Variants in FRMD5 observed in about 807,000 individuals in gnomAD.
The protein encoded by FRMD5 is FERM domain containing 5, also known as FERM domain-containing protein 5.
FRMD5 carries 20 observed loss-of-function variants against 69.0 expected under a neutral mutation model. The observed-to-expected ratio is 0.29, with a 90% confidence interval of 0.20 to 0.42. The LOEUF (loss-of-function observed/expected upper bound fraction) is 0.42. Ranked by LOEUF, FRMD5 falls within the 10% of genes least tolerant of loss-of-function variation. The pLI is 1.00. For missense variants in FRMD5, 595 were observed against 708.6 expected, an observed-to-expected ratio of 0.84 and a Z score of 1.82; for synonymous variants, 271 against 260.1, an observed-to-expected ratio of 1.04 and a Z score of -0.40.
intron 1 of FRMD5, among the ~76,000 whole-genome samples, chr15:44,080,334 T>C (rs918064064): frequency 2.0e-5 from 3 of 152,160 alleles, no homozygotes; most frequent in Non-Finnish European, 4.4e-5. Context: ...TGTACGTATA[T>C]ATAACAATGA....
At chr15:43,924,823 A>G (rs1566839140) in intron 1 of FRMD5, among the ~76,000 whole-genome samples, 2 of 152,148 alleles carry the variant, frequency 1.3e-5, no homozygotes, top group East Asian at 1.9e-4. Context: ...CCGCACAGCA[A>G]TGAGGGTGTC....
chr15:43,873,064 T>TAA lies in FRMD5; in HGVS notation c.*819_*820dup. ...TTCGTTTAACGCCCCTGGAGCACTATAAAAGTCTTGAGGTTCTTCGGAAAA... is the reference window on the plus strand; with the variant it reads ...TTCGTTTAACGCCCCTGGAGCACTATAAAAAAGTCTTGAGGTTCTTCGGAAAA... On this transcript the variant is annotated 3_prime_UTR_variant, in exon 14 of 14. Coordinates refer to ENST00000417257, the MANE Select transcript of FRMD5 (RefSeq NM_032892.5). The TAA allele has an allele frequency of 3.0e-6, 3 of 990,580 alleles. No individual in the cohort carries two copies. Among genetic ancestry groups the TAA allele is most frequent in the East Asian group, 2.6e-5 (1 of 38,298 alleles). 61.4% of individuals were successfully genotyped at this position (990,580 alleles called of 1,614,324 possible).
intron 1 of FRMD5, among the ~76,000 whole-genome samples, chr15:44,005,848 A>G (rs1219992562): frequency 1.3e-5 from 2 of 152,162 alleles, no homozygotes; most frequent in African/African-American, 2.4e-5. Context: ...TTTCAACATG[A>G]GATCTGGGCA....
intron 1 of FRMD5, among the ~76,000 whole-genome samples, chr15:44,053,450 A>G (rs2140353990): frequency 6.6e-6 from 1 of 152,260 alleles, no homozygotes; most frequent in Non-Finnish European, 1.5e-5. Context: ...GAAAAGCCCA[A>G]ATACTAGTAT....
intron 1 of FRMD5, among the ~76,000 whole-genome samples, chr15:44,038,748 G>A (rs1892043343): frequency 1.3e-5 from 2 of 152,116 alleles, no homozygotes; most frequent in South Asian, 4.2e-4. Context: ...GGAAGCACGA[G>A]GGGTCAGGGG....
intron 1 of FRMD5, among the ~76,000 whole-genome samples, chr15:43,999,973 T>TATATATGCATGGC (rs1555392735): frequency 2.8e-4 from 16 of 56,616 alleles, no homozygotes; most frequent in African/African-American, 9.8e-4. Context: ...TATATATATA[T>TATATATGCATGGC]ATATATATAT....
intron 1 of FRMD5, among the ~76,000 whole-genome samples, chr15:43,953,896 C>T (rs1002181796): frequency 5.9e-5 from 9 of 152,188 alleles, no homozygotes; most frequent in African/African-American, 1.9e-4. Flanking sequence ...GGGTATTCTT[C>T]CTACTTTATA....
intron 1 of FRMD5, among the ~76,000 whole-genome samples, chr15:44,126,963 T>C (rs971745930): frequency 6.6e-6 from 1 of 152,234 alleles, no homozygotes; most frequent in African/African-American, 2.4e-5. Context: ...TATAAATACT[T>C]TTTTAAGTAC....
intron 5 of FRMD5, among the ~76,000 whole-genome samples, 158 bp from the exon 6 acceptor site, chr15:43,906,109 G>C (rs1412078166): frequency 6.6e-6 from 1 of 152,234 alleles, no homozygotes; most frequent in Non-Finnish European, 1.5e-5. Context: ...GCAGAGGGCA[G>C]GCCCTTCAGG....
chr15:44,155,260 C>T (rs547405478), intron 1 of FRMD5, among the ~76,000 whole-genome samples: 25 of 151,938 alleles, frequency 1.6e-4, no homozygotes, highest in African/African-American at 5.8e-4. Flanking sequence ...GGTGAAACCC[C>T]GTCTCTACTA....
chr15:43,998,521 C>T (rs376980427), intron 1 of FRMD5, among the ~76,000 whole-genome samples: 3 of 152,268 alleles, frequency 2.0e-5, no homozygotes, highest in African/African-American at 7.2e-5. Context: ...CATATGTGAT[C>T]CAACACTCCA....
chr15:44,081,681 C>T (rs1894002418), intron 1 of FRMD5, among the ~76,000 whole-genome samples: 2 of 151,972 alleles, frequency 1.3e-5, no homozygotes. Context: ...TGATTTATAT[C>T]CTCCTCAAAT....
intron 1 of FRMD5, among the ~76,000 whole-genome samples, chr15:43,965,235 C>A (rs2090273940): frequency 1.3e-5 from 2 of 152,208 alleles, no homozygotes; most frequent in Admixed American, 1.3e-4. Flanking sequence ...TTACTGCATT[C>A]TATCTCCTGA....
At chr15:44,033,020 A>C (rs1266768357) in intron 1 of FRMD5, among the ~76,000 whole-genome samples, 6 of 152,238 alleles carry the variant, frequency 3.9e-5, no homozygotes, top group African/African-American at 1.4e-4. Context: ...ATGGAATACT[A>C]TGCAGCCATA....
At chr15:44,017,530 T>G (rs1891021516) in intron 1 of FRMD5, among the ~76,000 whole-genome samples, 1 of 152,058 alleles carries the variant, frequency 6.6e-6, no homozygotes. Context: ...CACAGTACAC[T>G]GTGTACACTG....
intron 1 of FRMD5, among the ~76,000 whole-genome samples, chr15:43,935,597 G>A (rs550964834): frequency 6.6e-6 from 1 of 152,268 alleles, no homozygotes; most frequent in African/African-American, 2.4e-5. Flanking sequence ...AAGAACCATG[G>A]TCCAGGCTTT....
rs2088197730 is a variant in FRMD5 at position 43,872,867 on chromosome 15, CAT to C, written c.*1016_*1017del. On this transcript the variant is annotated 3_prime_UTR_variant, in exon 14 of 14. Transcript: ENST00000417257. ...AAAATATGAATTGTTAAGAAAATAA[CAT>C]TTCGTTGTTAAAATATAAATTGAAA... 1 of 310,050 alleles carries C rather than the reference CAT, an allele frequency of 3.2e-6. No individual in the cohort carries two copies. Among genetic ancestry groups the C allele is most frequent in the South Asian group, 1.2e-4 (1 of 8,002 alleles). 19.2% of individuals were successfully genotyped at this position (310,050 alleles called of 1,614,324 possible). A position where few individuals can be genotyped will look rare whatever the true frequency, so the allele number is the denominator to read the frequency against.
At chr15:44,013,434 T>G (rs1344819756) in intron 1 of FRMD5, among the ~76,000 whole-genome samples, 1 of 152,226 alleles carries the variant, frequency 6.6e-6, no homozygotes, top group African/African-American at 2.4e-5. Context: ...ATATTAATAA[T>G]GATTAGGTCA....
At chr15:44,008,842 C>T (rs1175990296) in intron 1 of FRMD5, among the ~76,000 whole-genome samples, 2 of 151,890 alleles carry the variant, frequency 1.3e-5, no homozygotes, top group Non-Finnish European at 2.9e-5. Flanking sequence ...CTGGCTAACA[C>T]GGTGAAACCC....
Sources: gnomAD v4.1 joint callset for allele counts (sites outside exome capture counted in the v4.1 genomes callset) on GRCh38, gnomAD v4.1.1 for gene constraint, MANE v1.5 for transcripts, NCBI Gene and HGNC (gene_info 2026-07-23, HGNC 2026-07-21) for gene names.